Variants in ST6GAL1 observed in about 807,000 individuals in gnomAD.
ST6GAL1 encodes ST6 beta-galactoside alpha-2,6-sialyltransferase 1.
Under a neutral mutation model 38.0 loss-of-function variants are expected in ST6GAL1, and 20 were observed. The ratio of observed to expected loss-of-function variants is 0.53; its 90% confidence interval spans 0.37 to 0.77. The LOEUF is 0.77. Ranked by LOEUF, ST6GAL1 falls within the 30% of genes least tolerant of loss-of-function variation. ST6GAL1 has a pLI of 0.00. For synonymous variants in ST6GAL1, 196 were observed against 188.2 expected, an observed-to-expected ratio of 1.04 and a Z score of -0.34; for missense variants, 432 against 496.4, an observed-to-expected ratio of 0.87 and a Z score of 1.23.
chr3:187,026,911 T>G (rs1717558503), intron 2 of ST6GAL1, among the ~76,000 whole-genome samples: 1 of 151,978 alleles, frequency 6.6e-6, no homozygotes, highest in African/African-American at 2.4e-5. Flanking sequence ...TAGCCAGGCA[T>G]GGTGGCGGGC....
intron 2 of ST6GAL1, among the ~76,000 whole-genome samples, chr3:186,969,082 C>T (rs868635258): frequency 2.3e-5 from 3 of 128,974 alleles, no homozygotes; most frequent in East Asian, 2.4e-4. Flanking sequence ...GACAGATTCT[C>T]ACTCTGTGGG....
intron 3 of ST6GAL1, 108 bp from the exon 4 acceptor site, chr3:187,042,546 A>T: frequency 9.2e-7 from 1 of 1,086,020 alleles, no homozygotes; most frequent in Non-Finnish European, 1.3e-6. Flanking sequence ...CCAGGGCTGG[A>T]ATTCAAGTCA....
At chr3:187,023,919 G>A (rs536355345) in intron 2 of ST6GAL1, among the ~76,000 whole-genome samples, 1 of 149,550 alleles carries the variant, frequency 6.7e-6, no homozygotes, top group African/African-American at 2.5e-5. Context: ...TGAACCTATC[G>A]CATGAGTATT....
At chr3:186,989,392 T>C (rs941313947) in intron 2 of ST6GAL1, among the ~76,000 whole-genome samples, 1 of 152,222 alleles carries the variant, frequency 6.6e-6, no homozygotes, top group Non-Finnish European at 1.5e-5. Context: ...TTTTGCTCTC[T>C]GCAGACAGGC....
chr3:187,008,978 A>G (rs1716871150), intron 2 of ST6GAL1, among the ~76,000 whole-genome samples: 1 of 152,176 alleles, frequency 6.6e-6, no homozygotes, highest in African/African-American at 2.4e-5. Flanking sequence ...AGTCTTTGGC[A>G]GCATTTCTGA....
chr3:186,950,287 C>T (rs1714532970), intron 1 of ST6GAL1, among the ~76,000 whole-genome samples: 1 of 152,198 alleles, frequency 6.6e-6, no homozygotes, highest in Admixed American at 6.5e-5. Flanking sequence ...GGTGAGCCCT[C>T]GGGCTTCCCC....
intron 2 of ST6GAL1, among the ~76,000 whole-genome samples, chr3:186,999,549 C>A (rs975014158): frequency 6.6e-6 from 1 of 151,900 alleles, no homozygotes; most frequent in Admixed American, 6.6e-5. Flanking sequence ...GTAGCTGGGA[C>A]TACAGGAGTG....
chr3:186,949,437 A>G (rs2108519908), intron 1 of ST6GAL1, among the ~76,000 whole-genome samples: 1 of 152,272 alleles, frequency 6.6e-6, no homozygotes, highest in East Asian at 1.9e-4. Context: ...TCCCCAGAAG[A>G]TGATTCCTGC....
chr3:186,949,788 G>T (rs944863841), intron 1 of ST6GAL1, among the ~76,000 whole-genome samples: 1 of 152,248 alleles, frequency 6.6e-6, no homozygotes, highest in Non-Finnish European at 1.5e-5. Flanking sequence ...AGGTGTGCAA[G>T]CTTGGCAGCT....
chr3:186,995,581 C>T (rs574209029), intron 2 of ST6GAL1, among the ~76,000 whole-genome samples: 118 of 151,722 alleles, frequency 7.8e-4, no homozygotes, highest in African/African-American at 2.8e-3. Context: ...TGGCGGCTCA[C>T]TCCTGTAATC....
At chr3:186,974,000 G>A (rs556272165) in intron 2 of ST6GAL1, among the ~76,000 whole-genome samples, 1 of 152,324 alleles carries the variant, frequency 6.6e-6, no homozygotes, top group South Asian at 2.1e-4. Flanking sequence ...ATGTGAAACC[G>A]TGAATTGTGG....
At chr3:186,951,139 G>A (rs1714562650) in intron 1 of ST6GAL1, among the ~76,000 whole-genome samples, 4 of 152,038 alleles carry the variant, frequency 2.6e-5, no homozygotes, top group Admixed American at 6.6e-5. Flanking sequence ...GCGTGATCTC[G>A]GTTCACTGCG....
chr3:186,991,163 T>C (rs1716155932), intron 2 of ST6GAL1, among the ~76,000 whole-genome samples: 2 of 152,204 alleles, frequency 1.3e-5, no homozygotes, highest in Non-Finnish European at 2.9e-5. Flanking sequence ...GATTTGACTT[T>C]TCAGCCAGGC....
At chr3:186,946,573 C>G (rs1342828907) in intron 1 of ST6GAL1, among the ~76,000 whole-genome samples, 1 of 152,088 alleles carries the variant, frequency 6.6e-6, no homozygotes, top group Non-Finnish European at 1.5e-5. Flanking sequence ...AAGCAATCCC[C>G]ATCTATCCTT....
In ST6GAL1 at chr3:186,995,531, A is replaced by T. The variant is rs537351222; in HGVS notation, c.-183+31605A>T. On this transcript the variant is annotated intron_variant, in intron 2 of 7. Coordinates refer to ENST00000169298, the MANE Select transcript of ST6GAL1 (RefSeq NM_173216.2). Reference sequence around the variant, plus strand: ...AAAAAAAAAATAATAATAAAATAAAAAAAAAATAAAGAAATTGTTAAAATG... The same window carrying T: ...AAAAAAAAAATAATAATAAAATAAATAAAAAATAAAGAAATTGTTAAAATG... Among the ~76,000 whole-genome samples the T allele has an allele frequency of 3.0e-3, 443 of 145,362 alleles. 5 individuals carry two copies. The highest frequency in any genetic ancestry group is 9.7e-3 in the African/African-American group (353 of 36,266).
intron 2 of ST6GAL1, among the ~76,000 whole-genome samples, chr3:187,022,306 T>A (rs2108565805): frequency 6.6e-6 from 1 of 151,868 alleles, no homozygotes; most frequent in South Asian, 2.1e-4. Context: ...ATTGTTGTGG[T>A]GTGAGAGCAG....
At chr3:186,974,619 A>C (rs36077982) in intron 2 of ST6GAL1, among the ~76,000 whole-genome samples, 8,615 of 152,052 alleles carry the variant, frequency 0.057, 302 homozygotes, top group South Asian at 0.12. Flanking sequence ...TTAGATGCAA[A>C]AGACAGGAGA....
Position 186,938,989 on chromosome 3 carries a change from AG to A in ST6GAL1, c.-325+8157del, listed in dbSNP as rs538794048. ...GTGTGTGTAGGGAGGATTGGGAGTC[AG>A]GAGAGAGACAGAAAGTCAACCTAGG... On this transcript the variant is annotated intron_variant, in intron 1 of 7. Coordinates refer to ENST00000169298, the MANE Select transcript of ST6GAL1 (RefSeq NM_173216.2). Among the ~76,000 whole-genome samples the A allele has an allele frequency of 2.9e-3, 346 of 121,122 alleles. 4 individuals are homozygous for A. The highest frequency in any genetic ancestry group is 9.7e-3 in the African/African-American group (318 of 32,792). The allele number at this position is 121,122 out of a possible 152,430, so 79.5% of individuals were successfully genotyped here. A position where few individuals can be genotyped will look rare whatever the true frequency, so the allele number is the denominator to read the frequency against.
chr3:187,046,999 G>T (rs535595809), intron 4 of ST6GAL1, among the ~76,000 whole-genome samples: 1 of 152,320 alleles, frequency 6.6e-6, no homozygotes, highest in South Asian at 2.1e-4. Flanking sequence ...AGGCTGGAGT[G>T]CAGTGGCATG....
Sources: allele counts gnomAD v4.1 joint callset (sites outside exome capture counted in the v4.1 genomes callset), GRCh38; gene constraint gnomAD v4.1.1; transcripts MANE v1.5; gene names NCBI Gene and HGNC (gene_info 2026-07-23, HGNC 2026-07-21).